The following UNC13B variants were observed in gnomAD, a reference collection of about 807,000 sequenced individuals.
UNC13B encodes the protein unc-13 homolog B.
Under a neutral mutation model 211.0 loss-of-function variants are expected in UNC13B, and 144 were observed. The observed-to-expected ratio is 0.68, with a 90% confidence interval of 0.60 to 0.78. The LOEUF (loss-of-function observed/expected upper bound fraction) is 0.78. Among genes scored for constraint, UNC13B ranks in the 30% least tolerant of loss-of-function variants. UNC13B has a pLI of 0.00. For synonymous variants in UNC13B, 709 were observed against 725.8 expected, an observed-to-expected ratio of 0.98 and a Z score of 0.37; for missense variants, 1,777 against 2,002.0, an observed-to-expected ratio of 0.89 and a Z score of 2.14.
chr9:35,237,548 G>A (rs777726190), intron 4 of UNC13B, among the ~76,000 whole-genome samples, 155 bp from the exon 5 acceptor site: 20 of 152,214 alleles, frequency 1.3e-4, no homozygotes, highest in Non-Finnish European at 2.4e-4. Flanking sequence ...GCCACATGCA[G>A]TGGAGGCAGG....
At chr9:35,246,270 A>G (rs1826096745) in intron 6 of UNC13B, among the ~76,000 whole-genome samples, 2 of 151,872 alleles carry the variant, frequency 1.3e-5, no homozygotes. Flanking sequence ...AGAGGAGTAG[A>G]TTGCAAAAAT....
chr9:35,320,620 A>T (rs950746559), intron 11 of UNC13B, among the ~76,000 whole-genome samples: 1 of 152,160 alleles, frequency 6.6e-6, no homozygotes, highest in African/African-American at 2.4e-5. Flanking sequence ...CTCTTAATTC[A>T]CTTAGCTAAC....
At chr9:35,193,205 G>T (rs940049910) in intron 1 of UNC13B, among the ~76,000 whole-genome samples, 1 of 152,190 alleles carries the variant, frequency 6.6e-6, no homozygotes, top group East Asian at 1.9e-4. Context: ...CTCCTTAATG[G>T]AGGAAGTGTG....
intron 11 of UNC13B, among the ~76,000 whole-genome samples, chr9:35,321,214 GTTTC>G (rs1157834265): frequency 1.3e-5 from 2 of 151,780 alleles, no homozygotes; most frequent in African/African-American, 4.8e-5. Context: ...TATTCCTCTT[GTTTC>G]TTTCTTTTCT....
At chr9:35,313,834 C>T (rs1021813894) in intron 10 of UNC13B, 65 bp from the exon 11 acceptor site, 272 of 1,298,150 alleles carry the variant, frequency 2.1e-4, no homozygotes, top group Non-Finnish European at 3.0e-4. Context: ...GGCAGTCTTG[C>T]CTTGAGCAGT....
At chr9:35,279,661 A>G (rs942178386) in intron 7 of UNC13B, among the ~76,000 whole-genome samples, 7 of 152,222 alleles carry the variant, frequency 4.6e-5, no homozygotes, top group Non-Finnish European at 7.3e-5. Context: ...GTGTGAATAT[A>G]TCTGTTGGAT....
rs566350671 is a variant in UNC13B, at chr9:35,309,268, C to A, written c.9008+856C>A. 1.5e-4 allele frequency among the ~76,000 whole-genome samples: 21 copies of A among 143,980 alleles called. 2 individuals carry two copies. The South Asian group carries it at 4.6e-3, about 32-fold the overall frequency. The allele number at this position is 143,980 out of a possible 152,430, so 94.5% of individuals were successfully genotyped here. ...GTGTGTGTGTGTGTGTGTGTGTATACTTATGTACAAGTATATGTGTTTGTG... is the reference window on the plus strand; with the variant it reads ...GTGTGTGTGTGTGTGTGTGTGTATAATTATGTACAAGTATATGTGTTTGTG... On this transcript the variant is annotated intron_variant, in intron 9 of 39. Coordinates refer to ENST00000635942, the MANE Select transcript of UNC13B (RefSeq NM_001371189.2).
At chr9:35,232,342 T>A in intron 3 of UNC13B, among the ~76,000 whole-genome samples, 1 of 151,294 alleles carries the variant, frequency 6.6e-6, no homozygotes, top group Non-Finnish European at 1.5e-5. Flanking sequence ...CATCACACCT[T>A]GGCTAATGTT....
Position 35,250,506 on chromosome 9 carries a change from T to C in UNC13B, c.468+7142T>C, listed in dbSNP as rs1826399600. On this transcript the variant is annotated intron_variant, in intron 6 of 39. Transcript: ENST00000635942. ...TACCATGTAAATAAATTCCTTTTTA[T>C]TGCCAAATAACATTCCATTGTATGG... 4.6e-5 allele frequency among the ~76,000 whole-genome samples: 7 copies of C among 152,234 alleles called. No individual in the cohort carries two copies. The South Asian group carries it at 1.2e-3, about 27-fold the overall frequency.
chr9:35,383,502 A>T (rs1157557315), intron 21 of UNC13B, among the ~76,000 whole-genome samples: 3 of 152,198 alleles, frequency 2.0e-5, no homozygotes, highest in Non-Finnish European at 4.4e-5. Context: ...TAACTTATTA[A>T]GCCAGTCAAA....
chr9:35,299,911 C>T (rs1829589360), intron 8 of UNC13B, among the ~76,000 whole-genome samples: 1 of 152,096 alleles, frequency 6.6e-6, no homozygotes, highest in South Asian at 2.1e-4. Context: ...TTTCAGCTTT[C>T]TCTGATGTTG....
intron 1 of UNC13B, among the ~76,000 whole-genome samples, chr9:35,201,549 C>T (rs1283166533): frequency 2.6e-5 from 4 of 152,242 alleles, no homozygotes; most frequent in African/African-American, 9.6e-5. Context: ...CAACTTCTTC[C>T]TGGTTTAGTC....
chr9:35,397,379 G>A, intron 29 of UNC13B, 69 bp downstream of exon 29: 2 of 1,588,984 alleles, frequency 1.3e-6, no homozygotes, highest in Non-Finnish European at 8.6e-7. Context: ...ACAGGCCTGA[G>A]CTCAGCACCT....
chr9:35,287,176 A>G (rs1282821306), intron 7 of UNC13B, among the ~76,000 whole-genome samples: 1 of 140,466 alleles, frequency 7.1e-6, no homozygotes, highest in Non-Finnish European at 1.5e-5. Flanking sequence ...TCTGTTGCCT[A>G]GGCTGGAGTG....
chr9:35,236,338 C>G, intron 3 of UNC13B, 131 bp from the exon 4 acceptor site: 2 of 717,836 alleles, frequency 2.8e-6, no homozygotes, highest in East Asian at 5.3e-5. Context: ...TCGTGGCATT[C>G]TGGGAAATTT....
chr9:35,314,874 C>CTTTTTTTT (rs765803997), intron 11 of UNC13B, among the ~76,000 whole-genome samples: 7 of 57,778 alleles, frequency 1.2e-4, no homozygotes, highest in Admixed American at 2.1e-4. Flanking sequence ...GATTCCGTAT[C>CTTTTTTTT]TTTTTTTTTT....
In UNC13B at chr9:35,338,715, G is replaced by A. The variant is rs553866868; in HGVS notation, c.9414+24726G>A. Among the ~76,000 whole-genome samples, 15 of 152,236 alleles carry A rather than the reference G, an allele frequency of 9.9e-5. No individual in the cohort carries two copies. In the South Asian group the frequency reaches 1.2e-3, roughly 13 times the overall value. ...CTCTTGCATGATATAGATATTGGCC[G>A]CACCCATCCTTTGTACTCTGCGTCT... On this transcript the variant is annotated intron_variant, in intron 11 of 39. Transcript: ENST00000635942.
At chr9:35,393,949 T>C (rs935267879) in intron 26 of UNC13B, among the ~76,000 whole-genome samples, 3 of 152,144 alleles carry the variant, frequency 2.0e-5, no homozygotes, top group Non-Finnish European at 4.4e-5. Flanking sequence ...CAGATTATTA[T>C]GTAGAAAGGC....
At position 35,292,981 on chromosome 9, in the gene UNC13B, T is replaced by C. The variant is rs187299045; in HGVS notation, c.527-2715T>C. Among the ~76,000 whole-genome samples, 4 of 152,346 alleles carry C rather than the reference T, an allele frequency of 2.6e-5. No individual in the cohort carries two copies. In the East Asian group the frequency reaches 7.7e-4, roughly 29 times the overall value. On this transcript the variant is annotated intron_variant, in intron 7 of 39. Coordinates refer to ENST00000635942, the MANE Select transcript of UNC13B (RefSeq NM_001371189.2). The stretch of plus-strand genomic sequence containing the variant: ...CACAGTTATTTAATTCAAATTGAAG[T>C]GTTACATATTTTCCTGAATTTCCCT...
Sources: allele counts gnomAD v4.1 joint callset (sites outside exome capture counted in the v4.1 genomes callset), GRCh38; gene constraint gnomAD v4.1.1; transcripts MANE v1.5; gene names NCBI Gene and HGNC (gene_info 2026-07-23, HGNC 2026-07-21).